The following LIMA1 variants were observed in gnomAD, a reference collection of about 807,000 sequenced individuals.
LIMA1 encodes LIM domain and actin binding 1.
Under a neutral mutation model 62.6 loss-of-function variants are expected in LIMA1, and 52 were observed. The observed-to-expected ratio is 0.83, with a 90% CI of 0.67 to 1.05. The LOEUF is 1.05. Ranked by LOEUF, LIMA1 falls within the 50% of genes least tolerant of loss-of-function variation. The probability of loss-of-function intolerance (pLI) is 0.00; values close to 1 mark genes in which losing one functional copy is unlikely to be tolerated. For missense variants in LIMA1, 780 were observed against 902.2 expected (o/e 0.86, Z 1.74); for synonymous variants, 302 against 317.8 (o/e 0.95, Z 0.53).
At chr12:50,222,728 T>A in intron 3 of LIMA1, 1 of 1,378,206 alleles carries the variant, frequency 7.3e-7, no homozygotes, top group Non-Finnish European at 9.4e-7. Flanking sequence ...GATGGCCTTA[T>A]AAGGACAAAA....
chr12:50,274,177 G>A (rs1942247962), intron 1 of LIMA1, among the ~76,000 whole-genome samples: 1 of 152,136 alleles, frequency 6.6e-6, no homozygotes, highest in Non-Finnish European at 1.5e-5. Context: ...AACAAAACAA[G>A]ACTTGTCCAA....
At chr12:50,272,770 G>A (rs544179440) in intron 1 of LIMA1, among the ~76,000 whole-genome samples, 7 of 151,792 alleles carry the variant, frequency 4.6e-5, no homozygotes, top group African/African-American at 1.2e-4. Context: ...TTATAGGGCC[G>A]GGCGTGGTGG....
intron 1 of LIMA1, among the ~76,000 whole-genome samples, chr12:50,269,448 C>T (rs932457520): frequency 6.6e-6 from 1 of 152,106 alleles, no homozygotes; most frequent in African/African-American, 2.4e-5. Flanking sequence ...TTCTAGCGTA[C>T]ATGATATTTC....
chr12:50,249,131 G>A (rs1383589936), intron 1 of LIMA1, among the ~76,000 whole-genome samples: 1 of 152,152 alleles, frequency 6.6e-6, no homozygotes, highest in Non-Finnish European at 1.5e-5. Flanking sequence ...CATCTCAGTA[G>A]AGCCAGGTCC....
intron 1 of LIMA1, among the ~76,000 whole-genome samples, chr12:50,252,317 C>T (rs769039847): frequency 3.3e-5 from 5 of 152,126 alleles, no homozygotes; most frequent in Non-Finnish European, 5.9e-5. Context: ...TGGTGGCTCA[C>T]GCCTATAATC....
At chr12:50,228,337 CCTA>C (rs1941563074) in intron 3 of LIMA1, among the ~76,000 whole-genome samples, 1 of 152,204 alleles carries the variant, frequency 6.6e-6, no homozygotes, top group African/African-American at 2.4e-5. Flanking sequence ...CTGTCTTGAA[CCTA>C]GTCCAATTCA....
At chr12:50,207,176 C>A (rs1054240407) in intron 4 of LIMA1, among the ~76,000 whole-genome samples, 3 of 152,132 alleles carry the variant, frequency 2.0e-5, no homozygotes, top group Non-Finnish European at 4.4e-5. Context: ...CCGCCCACCT[C>A]GGCCTCCCAA....
chr12:50,264,325 C>T (rs573245529), intron 1 of LIMA1, among the ~76,000 whole-genome samples: 7 of 152,216 alleles, frequency 4.6e-5, no homozygotes, highest in Admixed American at 2.6e-4. Context: ...ATATTAAAAC[C>T]GCTGAACTGA....
chr12:50,239,996 AATAAC>A (rs373467242), intron 2 of LIMA1, among the ~76,000 whole-genome samples: 15,389 of 128,508 alleles, frequency 0.12, 962 homozygotes, highest in Non-Finnish European at 0.14. Flanking sequence ...TCTATCTCAA[AATAAC>A]ATAACATAAC....
intron 1 of LIMA1, among the ~76,000 whole-genome samples, chr12:50,251,285 A>G (rs1309336316): frequency 2.0e-5 from 3 of 152,188 alleles, no homozygotes; most frequent in East Asian, 3.8e-4. Context: ...CAGTTCTTCC[A>G]TAAAGATCAA....
intron 3 of LIMA1, among the ~76,000 whole-genome samples, chr12:50,223,447 C>T (rs1941480858): frequency 1.3e-5 from 2 of 150,290 alleles, no homozygotes. Context: ...TGCGCCACTA[C>T]ACTCCAGCCT....
chr12:50,262,545 G>A (rs1044010365), intron 1 of LIMA1, among the ~76,000 whole-genome samples: 1 of 152,014 alleles, frequency 6.6e-6, no homozygotes, highest in Non-Finnish European at 1.5e-5. Flanking sequence ...AGGCTGAGGA[G>A]ACAGGACCGC....
At chr12:50,196,266 G>T (rs541520757) in intron 7 of LIMA1, among the ~76,000 whole-genome samples, 1 of 152,138 alleles carries the variant, frequency 6.6e-6, no homozygotes, top group East Asian at 1.9e-4. Context: ...CCCACTCCAA[G>T]GAAAGATAAA....
intron 1 of LIMA1, among the ~76,000 whole-genome samples, chr12:50,250,189 T>C (rs1477600361): frequency 4.0e-5 from 6 of 150,200 alleles, no homozygotes; most frequent in Non-Finnish European, 8.9e-5. Context: ...TCCCAGCGAC[T>C]TGGGAGGCTG....
intron 2 of LIMA1, among the ~76,000 whole-genome samples, chr12:50,235,034 G>A (rs1354031730): frequency 6.6e-6 from 1 of 152,028 alleles, no homozygotes; most frequent in Admixed American, 6.6e-5. Context: ...CAGGACTCAA[G>A]CAATTCTCCT....
chr12:50,204,680 A>G lies in LIMA1; in HGVS notation c.736T>C (p.Phe246Leu). 1 of 1,614,166 alleles carries G rather than the reference A, an allele frequency of 6.2e-7. No individual in the cohort carries two copies. Among genetic ancestry groups the G allele is most frequent in the Non-Finnish European group, 8.5e-7 (1 of 1,180,014 alleles). The change falls in exon 6 of 11, where the codon TTT (phenylalanine) becomes CTT (leucine). Residue 246 changes from phenylalanine (F) to leucine (L), a missense_variant. By Grantham distance (22) the Phe-to-Leu change is conservative. Transcript: ENST00000341247. The part of the protein sequence containing the change: ...IGPGQLSSST[F>L]DSEKNESRRN... ...CTACTCTCATTTTTCTCCGAGTCAA[A>G]TGTAGAAGATGACAACTGACCTGGA...
chr12:50,179,523 C>T (rs547990321), intron 10 of LIMA1, among the ~76,000 whole-genome samples: 499 of 147,672 alleles, frequency 3.4e-3, no homozygotes, highest in Non-Finnish European at 4.5e-3. Context: ...CTGCAAGCTC[C>T]GCCTCCCAGG....
chr12:50,177,947 G>GC lies in LIMA1; in HGVS notation c.1396dup (p.Ala466GlyfsTer5). On this transcript the variant is annotated frameshift_variant, in exon 11 of 11. Coordinates refer to ENST00000341247, the MANE Select transcript of LIMA1 (RefSeq NM_016357.5). LOFTEE classifies it high-confidence loss of function. ...AATCTCTTCGTTTTCATTTTTGCTT[G>GC]CCCATAGATCCTTGTGTGGTCTGTG... 1 of 1,613,910 alleles carries GC rather than the reference G, an allele frequency of 6.2e-7. No homozygotes were observed. The highest frequency in any genetic ancestry group is 1.1e-5 in the South Asian group (1 of 91,014).
At chr12:50,280,435 G>C (rs1942327281) in intron 1 of LIMA1, among the ~76,000 whole-genome samples, 1 of 152,136 alleles carries the variant, frequency 6.6e-6, no homozygotes, top group South Asian at 2.1e-4. Context: ...TGGGATTACA[G>C]GCGTGAGCCA....
Sources: gnomAD v4.1 joint callset for allele counts (sites outside exome capture counted in the v4.1 genomes callset) on GRCh38, gnomAD v4.1.1 for gene constraint, MANE v1.5 for transcripts, NCBI Gene and HGNC (gene_info 2026-07-23, HGNC 2026-07-21) for gene names.